The following PYROXD1 variants were observed in gnomAD, a reference collection of about 807,000 sequenced individuals.
PYROXD1 encodes the protein pyridine nucleotide-disulphide oxidoreductase domain 1.
PYROXD1 carries 42 observed loss-of-function variants against 62.0 expected under a neutral mutation model. The ratio of observed to expected loss-of-function variants is 0.68; its 90% CI spans 0.53 to 0.88. PYROXD1 has a LOEUF of 0.88. Among genes scored for constraint, PYROXD1 ranks in the 40% least tolerant of loss-of-function variants. The probability of loss-of-function intolerance (pLI) is 0.00; values close to 1 mark genes in which losing one functional copy is unlikely to be tolerated. For synonymous variants in PYROXD1, 170 were observed against 206.4 expected (o/e 0.82, Z 1.51); for missense variants, 493 against 604.8 (o/e 0.82, Z 1.94).
chr12:21,471,143 C>T lies in PYROXD1; in HGVS notation c.*2389C>T. 1.3e-6 allele frequency: 2 copies of T among 1,518,068 alleles called. No individual in the cohort carries two copies. The highest frequency in any genetic ancestry group is 1.3e-5 in the South Asian group (1 of 76,526). The allele number at this position is 1,518,068 out of a possible 1,614,324, so 94.0% of individuals were successfully genotyped here. ...ACAATAAGAAAGCTTTTGAAGGAAT[C>T]ACGGAAAACAAATTTATAAAAGAAA... is the stretch of plus-strand genomic sequence containing the variant. On this transcript the variant is annotated 3_prime_UTR_variant, in exon 12 of 12. Coordinates refer to ENST00000240651, the MANE Select transcript of PYROXD1 (RefSeq NM_024854.5).
rs371180265 is a variant in PYROXD1, at chr12:21,462,118, A to G, written c.991A>G (p.Ser331Gly). Residue 331 changes from serine (S) to glycine (G), a missense_variant and splice_region_variant, in exon 9 of 12, where the codon AGT becomes GGT. Around this residue, in one of 2 missense-constraint regions of PYROXD1, gnomAD observed 329 missense variants for 446.6 expected, o/e 0.74. Transcript: ENST00000240651. The part of the protein sequence containing the change: ...PNVEPFLHGN[S>G]FDLGEDGGLK... ...TGTAGAACCTTTTCTCCATGGTAAC[A>G]GTGTAAGGTGAAATTTTTTTGTCCA... The G allele has an allele frequency of 1.8e-5, 29 of 1,591,406 alleles. No homozygotes were observed. Among genetic ancestry groups the G allele is most frequent in the African/African-American group, 1.5e-4 (11 of 74,238 alleles).
Position 21,451,806 on chromosome 12 carries a change from C to T in PYROXD1, c.415-275C>T, listed in dbSNP as rs10770812. ...GTGGTAAGTTAATAGTGCCTCCTGCCGAAATTCTGAAGTACTGTAAATGTA... is the reference window on the plus strand; with the variant it reads ...GTGGTAAGTTAATAGTGCCTCCTGCTGAAATTCTGAAGTACTGTAAATGTA... On this transcript the variant is annotated intron_variant, in intron 4 of 11. Coordinates refer to ENST00000240651, the MANE Select transcript of PYROXD1 (RefSeq NM_024854.5). 0.5 allele frequency among the ~76,000 whole-genome samples: 75,412 copies of T among 151,708 alleles called. 18,755 individuals are homozygous for T. Among genetic ancestry groups the T allele is most frequent in the Middle Eastern group, 0.59 (173 of 294 alleles).
chr12:21,468,702 A>T lies in PYROXD1; in HGVS notation c.1451A>T (p.Tyr484Phe), dbSNP rs760158592. The T allele has an allele frequency of 6.2e-7, 1 of 1,610,550 alleles. No individual in the cohort carries two copies. ...LILNQMNLSS[Y>F]GEDLLDPNID... ...TTAAACCAAATGAATCTTTCATCAT[A>T]TGGAGAAGATCTGCTAGATCCAAAT... is the stretch of plus-strand genomic sequence containing the variant. The change falls in exon 12 of 12, where the codon TAT (tyrosine) becomes TTT (phenylalanine). Residue 484 changes from tyrosine (Y) to phenylalanine (F), a missense_variant. By Grantham distance (22) the Tyr-to-Phe change is conservative (BLOSUM62 3). This residue lies in a region of PYROXD1 where 329 missense variants were observed against 446.6 expected (regional missense o/e 0.74). Coordinates refer to ENST00000240651, the MANE Select transcript of PYROXD1 (RefSeq NM_024854.5).
chr12:21,460,433 A>T (rs12814509), intron 7 of PYROXD1, among the ~76,000 whole-genome samples: 3,327 of 45,682 alleles, frequency 0.073, 55 homozygotes, highest in East Asian at 0.15. Context: ...TTATTTATTT[A>T]TTTTTTTTGA....
chr12:21,466,701 T>G (rs1382514761), intron 10 of PYROXD1, among the ~76,000 whole-genome samples: 1 of 152,188 alleles, frequency 6.6e-6, no homozygotes, highest in African/African-American at 2.4e-5. Context: ...AACACTATGT[T>G]GAATAGGAGT....
chr12:21,469,983 C>T lies in PYROXD1; in HGVS notation c.*1229C>T. On this transcript the variant is annotated 3_prime_UTR_variant, in exon 12 of 12. Coordinates refer to ENST00000240651, the MANE Select transcript of PYROXD1 (RefSeq NM_024854.5). Reference sequence around the variant, plus strand: ...AAAGGGTTTTACATAAAAATTTTTCCCTTGTTTTATACTGGAAAATTATAT... The same window carrying T: ...AAAGGGTTTTACATAAAAATTTTTCTCTTGTTTTATACTGGAAAATTATAT... 7.0e-6 allele frequency: 4 copies of T among 573,716 alleles called. No homozygotes were observed. The highest frequency in any genetic ancestry group is 4.2e-5 in the South Asian group (1 of 23,760). 35.5% of individuals were successfully genotyped at this position (573,716 alleles called of 1,614,324 possible). A position where few individuals can be genotyped will look rare whatever the true frequency, so the allele number is the denominator to read the frequency against.
At position 21,458,655 on chromosome 12, in the gene PYROXD1, T is replaced by G. The variant is rs146527543; in HGVS notation, c.751-2370T>G. On this transcript the variant is annotated intron_variant, in intron 7 of 11. Coordinates refer to ENST00000240651, the MANE Select transcript of PYROXD1 (RefSeq NM_024854.5). ...CTACAGAGTAACTGATTGCCCTGGTTTCAATATTCTTGTGTCTCCGGGAAT... is the reference window on the plus strand; with the variant it reads ...CTACAGAGTAACTGATTGCCCTGGTGTCAATATTCTTGTGTCTCCGGGAAT... Among the ~76,000 whole-genome samples the G allele has an allele frequency of 2.7e-3, 418 of 152,230 alleles. 3 individuals are homozygous for G. The highest frequency in any genetic ancestry group is 9.4e-3 in the African/African-American group (392 of 41,528).
intron 11 of PYROXD1, 43 bp downstream of exon 11, chr12:21,467,661 C>G (rs1555142459): frequency 7.1e-7 from 1 of 1,404,376 alleles, no homozygotes; most frequent in East Asian, 2.4e-5. Flanking sequence ...GCTTGTTAGT[C>G]TTATGACTAT....
chr12:21,443,702 A>G (rs936605386), intron 2 of PYROXD1, among the ~76,000 whole-genome samples: 2 of 152,206 alleles, frequency 1.3e-5, no homozygotes, highest in Non-Finnish European at 2.9e-5. Flanking sequence ...TTCAGTGAAG[A>G]CTACTACCAT....
At chr12:21,461,984 T>G in intron 8 of PYROXD1, 24 bp from the exon 9 acceptor site, 1 of 1,487,852 alleles carries the variant, frequency 6.7e-7, no homozygotes, top group Non-Finnish European at 9.3e-7. Flanking sequence ...TAAAGTCTGT[T>G]TTTTTGGTTT....
At chr12:21,440,341 T>C (rs1406596587) in intron 1 of PYROXD1, 27 bp from the exon 2 acceptor site, 1 of 1,381,732 alleles carries the variant, frequency 7.2e-7, no homozygotes, top group African/African-American at 1.4e-5. Context: ...TTTGTCCTAA[T>C]TTTTTTTCTC....
chr12:21,456,854 C>T (rs1316550972), intron 7 of PYROXD1: 2 of 454,794 alleles, frequency 4.4e-6, no homozygotes, highest in Admixed American at 2.4e-5. Flanking sequence ...TTAAATCCTT[C>T]ATCATTTCAG....
Position 21,456,619 on chromosome 12 carries a change from G to C in PYROXD1, c.750+524G>C, listed in dbSNP as rs542109847. ...TTTTTTGGTGGAAAGTTTTGCCTCG[G>C]TATTGGTGGCTGATGACTCATCAGG... On this transcript the variant is annotated intron_variant, in intron 7 of 11. Transcript: ENST00000240651. Among the ~76,000 whole-genome samples the C allele has an allele frequency of 7.2e-5, 11 of 152,242 alleles. No homozygotes were observed. In the East Asian group the frequency reaches 1.4e-3, roughly 19 times the overall value.
At chr12:21,461,483 A>G (rs1308296367) in intron 8 of PYROXD1, among the ~76,000 whole-genome samples, 1 of 152,256 alleles carries the variant, frequency 6.6e-6, no homozygotes, top group East Asian at 1.9e-4. Flanking sequence ...GAAAATGTAT[A>G]TTTTTGGGAC....
Position 21,460,745 on chromosome 12 carries a change from A to T in PYROXD1, c.751-280A>T, listed in dbSNP as rs7138089. On this transcript the variant is annotated intron_variant, in intron 7 of 11. Transcript: ENST00000240651. ...CAACAACTACTGTAATTTTTAAAAAATGCATTTGTAATTATCAATGAGGCC... is the reference window on the plus strand; with the variant it reads ...CAACAACTACTGTAATTTTTAAAAATTGCATTTGTAATTATCAATGAGGCC... Among the ~76,000 whole-genome samples the T allele has an allele frequency of 0.38, 58,135 of 152,036 alleles. 11,363 individuals are homozygous for T. Among genetic ancestry groups the T allele is most frequent in the Middle Eastern group, 0.48 (141 of 294 alleles).
intron 3 of PYROXD1, among the ~76,000 whole-genome samples, chr12:21,446,646 C>T (rs778047403): frequency 1.3e-4 from 19 of 151,912 alleles, no homozygotes; most frequent in Non-Finnish European, 2.4e-4. Flanking sequence ...TGTACAGGCT[C>T]ATGCCTATAA....
At chr12:21,468,324 C>A (rs1295856173) in intron 11 of PYROXD1, among the ~76,000 whole-genome samples, 182 bp from the exon 12 acceptor site, 1 of 151,990 alleles carries the variant, frequency 6.6e-6, no homozygotes, top group African/African-American at 2.4e-5. Context: ...GTGATAGTGT[C>A]ATCTGTAGAA....
chr12:21,443,266 T>C (rs553193140), intron 2 of PYROXD1, among the ~76,000 whole-genome samples: 1 of 152,326 alleles, frequency 6.6e-6, no homozygotes, highest in Admixed American at 6.5e-5. Context: ...TGAGAAAGTT[T>C]CCAATAAAAA....
intron 5 of PYROXD1, among the ~76,000 whole-genome samples, chr12:21,454,050 C>T (rs1942551368): frequency 2.0e-5 from 3 of 151,788 alleles, no homozygotes; most frequent in South Asian, 4.1e-4. Context: ...GCTGGAAAAA[C>T]GAAGACTTAT....
Sources: allele counts gnomAD v4.1 joint callset (sites outside exome capture counted in the v4.1 genomes callset), GRCh38; gene constraint gnomAD v4.1.1; regional missense constraint gnomAD v4.1.1; transcripts MANE v1.5; gene names NCBI Gene and HGNC (gene_info 2026-07-23, HGNC 2026-07-21).